The following RAB40B variants were observed in gnomAD, a reference collection of about 807,000 sequenced individuals.
The protein encoded by RAB40B is ras-related protein Rab-40B.
A neutral mutation model predicts 24.0 loss-of-function variants in RAB40B; 21 were observed. The ratio of observed to expected loss-of-function variants is 0.88; its 90% CI spans 0.62 to 1.26. The LOEUF is 1.26. Among genes scored for constraint, RAB40B ranks in the 50% most tolerant of loss-of-function variants. The probability of loss-of-function intolerance (pLI) is 0.00; values close to 1 mark genes in which losing one functional copy is unlikely to be tolerated. For missense variants in RAB40B, 348 were observed against 390.5 expected (o/e 0.89, Z 0.92); for synonymous variants, 167 against 169.8 (o/e 0.98, Z 0.13).
intron 4 of RAB40B, 71 bp from the exon 5 acceptor site, chr17:82,658,784 G>A (rs1476973221): frequency 2.9e-6 from 4 of 1,402,340 alleles, no homozygotes; most frequent in Non-Finnish European, 3.9e-6. Context: ...TAATGTGGGT[G>A]CTCTGGGTCG....
rs1182983698 is a variant in RAB40B at position 82,664,518 on chromosome 17, G to T, written c.181C>A (p.Arg61=). The T allele has an allele frequency of 1.2e-6, 2 of 1,613,510 alleles. No homozygotes were observed. Among genetic ancestry groups the T allele is most frequent in the South Asian group, 2.2e-5 (2 of 91,076 alleles). Residue 61 remains arginine (R), a synonymous_variant, in exon 2 of 6, where the codon CGG becomes AGG. Coordinates refer to ENST00000571995, the MANE Select transcript of RAB40B (RefSeq NM_006822.3). ...CACCAGAGCTGCAGCTTCACCCGCCGCCCGTCCAGCAGGATGGTGGTCGTC... is the reference window on the plus strand; with the variant it reads ...CACCAGAGCTGCAGCTTCACCCGCCTCCCGTCCAGCAGGATGGTGGTCGTC... ...YKTTTILLDG[R]RVKLQLWDTS...
At chr17:82,661,359 T>C in intron 2 of RAB40B, 1 of 977,832 alleles carries the variant, frequency 1.0e-6, no homozygotes, top group South Asian at 2.8e-5. Context: ...AATCTGAAGA[T>C]AAATCTATGC....
intron 1 of RAB40B, among the ~76,000 whole-genome samples, chr17:82,665,704 TA>T (rs1284853325): frequency 3.9e-5 from 6 of 152,154 alleles, no homozygotes; most frequent in Middle Eastern, 3.4e-3. Flanking sequence ...CCATCTCTAC[TA>T]AAAATTCAAA....
chr17:82,662,424 C>A lies in RAB40B; in HGVS notation c.204-1377G>T, dbSNP rs541344301. The A allele has an allele frequency of 2.5e-4, 246 of 985,454 alleles. 1 individual carries two copies. In the African/African-American group the frequency reaches 3.5e-3, roughly 14 times the overall value. 61.0% of individuals were successfully genotyped at this position (985,454 alleles called of 1,614,324 possible). A position where few individuals can be genotyped will look rare whatever the true frequency, so the allele number is the denominator to read the frequency against. Reference sequence around the variant, plus strand: ...AGAGTGCCCCATCGTGAAGTGGGAGCACTCCCTCCTCAGCTGGGACAACGT... The same window carrying A: ...AGAGTGCCCCATCGTGAAGTGGGAGAACTCCCTCCTCAGCTGGGACAACGT... On this transcript the variant is annotated intron_variant, in intron 2 of 5. Transcript: ENST00000571995.
intron 1 of RAB40B, among the ~76,000 whole-genome samples, chr17:82,684,576 C>T (rs1337047344): frequency 6.6e-6 from 1 of 152,186 alleles, no homozygotes; most frequent in Non-Finnish European, 1.5e-5. Context: ...TGTGGTTCAT[C>T]TCTACTGTCC....
At chr17:82,676,713 C>T (rs1162318568) in intron 1 of RAB40B, among the ~76,000 whole-genome samples, 11 of 152,000 alleles carry the variant, frequency 7.2e-5, no homozygotes, top group Non-Finnish European at 7.4e-5. Flanking sequence ...CTGCAACCTC[C>T]GCCTCCTGGA....
rs1228846340 is a variant in RAB40B at position 82,654,979 on chromosome 17, T to G, written c.*2884A>C. 1.3e-5 allele frequency: 2 copies of G among 152,170 alleles called. No homozygotes were observed. The highest frequency in any genetic ancestry group is 2.9e-5 in the Non-Finnish European group (2 of 68,030). 9.4% of individuals were successfully genotyped at this position (152,170 alleles called of 1,614,324 possible). A position where few individuals can be genotyped will look rare whatever the true frequency, so the allele number is the denominator to read the frequency against. Reference sequence around the variant, plus strand: ...GAAAATGACAAAGTTTCTCTAAGGTTTAATTTATATTTATGTTTTTTGTAT... The same window carrying G: ...GAAAATGACAAAGTTTCTCTAAGGTGTAATTTATATTTATGTTTTTTGTAT... On this transcript the variant is annotated 3_prime_UTR_variant, in exon 6 of 6. Transcript: ENST00000571995.
intron 1 of RAB40B, among the ~76,000 whole-genome samples, chr17:82,689,909 G>A (rs1320437431): frequency 6.7e-6 from 1 of 150,350 alleles, no homozygotes; most frequent in African/African-American, 2.5e-5. Flanking sequence ...GGAGGTTGCA[G>A]TGAACCGAGA....
At chr17:82,662,247 G>A (rs2046183473) in intron 2 of RAB40B, 1 of 985,382 alleles carries the variant, frequency 1.0e-6, no homozygotes, top group South Asian at 4.7e-5. Flanking sequence ...TTCCTGAGAA[G>A]CAAATTGATC....
intron 1 of RAB40B, among the ~76,000 whole-genome samples, chr17:82,689,519 G>A (rs2046534424): frequency 6.6e-6 from 1 of 152,228 alleles, no homozygotes; most frequent in Non-Finnish European, 1.5e-5. Context: ...TCAGGGCGGG[G>A]AGAGGACCCT....
In RAB40B at chr17:82,663,935, C is replaced by A. The variant is rs941886387; in HGVS notation, c.203+561G>T. Among the ~76,000 whole-genome samples the A allele has an allele frequency of 6.6e-6, 1 of 152,114 alleles. No individual in the cohort carries two copies. Among genetic ancestry groups the A allele is most frequent in the African/African-American group, 2.4e-5 (1 of 41,406 alleles). On this transcript the variant is annotated intron_variant, in intron 2 of 5. Transcript: ENST00000571995. This position sits in a 1 kb window ranked among gnomAD's most constrained non-coding sequence, Gnocchi z 6.2. The stretch of plus-strand genomic sequence containing the variant: ...CGGACCACCACCTCCTTCAGAGAAG[C>A]CCTGGTGCAGCTGGGGCTGGGGGTG...
chr17:82,695,637 G>A (rs1351094195), intron 1 of RAB40B, among the ~76,000 whole-genome samples: 1 of 151,318 alleles, frequency 6.6e-6, no homozygotes, highest in Non-Finnish European at 1.5e-5. Flanking sequence ...TTGAACCCAG[G>A]AGGGTCAAGG....
chr17:82,670,964 CCT>C (rs2046324487), intron 1 of RAB40B, among the ~76,000 whole-genome samples: 1 of 152,048 alleles, frequency 6.6e-6, no homozygotes, highest in African/African-American at 2.4e-5. Flanking sequence ...CACCCGAACC[CCT>C]GTCTCCCTTC....
chr17:82,691,628 G>A (rs2046558764), intron 1 of RAB40B, among the ~76,000 whole-genome samples: 2 of 152,208 alleles, frequency 1.3e-5, no homozygotes, highest in Admixed American at 6.5e-5. Context: ...GTTGCAGTGA[G>A]CCGATGTGGC....
At chr17:82,670,332 A>T (rs928818401) in intron 1 of RAB40B, among the ~76,000 whole-genome samples, 4 of 151,706 alleles carry the variant, frequency 2.6e-5, no homozygotes, top group African/African-American at 9.7e-5. Context: ...TTACAGGCAC[A>T]CGCCAGCAAG....
intron 1 of RAB40B, among the ~76,000 whole-genome samples, chr17:82,689,988 G>A (rs1463503057): frequency 2.0e-5 from 3 of 148,694 alleles, no homozygotes; most frequent in African/African-American, 7.4e-5. Flanking sequence ...AAAAGAAGTA[G>A]AAAACCATCA....
In RAB40B at chr17:82,657,033, A is replaced by T. The variant is rs1296268185; in HGVS notation, c.*830T>A. 3 of 152,364 alleles carry T rather than the reference A, an allele frequency of 2.0e-5. No homozygotes were observed. Among genetic ancestry groups the T allele is most frequent in the Admixed American group, 6.6e-5 (1 of 15,262 alleles). The allele number at this position is 152,364 out of a possible 1,614,324, so 9.4% of individuals were successfully genotyped here. ...CTGTCTCAAAAATAAATAAATAAAT[A>T]AATACAAAATTCGAAAGAACCGGTC... On this transcript the variant is annotated 3_prime_UTR_variant, in exon 6 of 6. Transcript: ENST00000571995.
At chr17:82,674,105 C>A (rs2046368754) in intron 1 of RAB40B, among the ~76,000 whole-genome samples, 1 of 152,226 alleles carries the variant, frequency 6.6e-6, no homozygotes, top group Admixed American at 6.5e-5. Flanking sequence ...CTTTGGGAGG[C>A]CGAGGCGGGC....
intron 1 of RAB40B, chr17:82,664,814 C>T: frequency 2.3e-6 from 1 of 436,722 alleles, no homozygotes; most frequent in South Asian, 2.6e-5. Flanking sequence ...CAGGGGGCTC[C>T]CCGACAGGCA....
Sources: gnomAD v4.1 joint callset for allele counts (sites outside exome capture counted in the v4.1 genomes callset) on GRCh38, gnomAD v4.1.1 for gene constraint, Gnocchi (gnomAD v3.1) non-coding constraint, MANE v1.5 for transcripts, NCBI Gene and HGNC (gene_info 2026-07-23, HGNC 2026-07-21) for gene names.